RIMS1: variants seen among roughly 807,000 people sequenced by gnomAD.
The protein encoded by RIMS1 is regulating synaptic membrane exocytosis protein 1.
Under a neutral mutation model 214.1 loss-of-function variants are expected in RIMS1, and 83 were observed. The observed-to-expected ratio is 0.39, with a 90% confidence interval of 0.32 to 0.47. The LOEUF (loss-of-function observed/expected upper bound fraction) is 0.47. RIMS1 is among the 20% of genes least tolerant of loss of function. RIMS1 has a pLI of 0.99. For synonymous variants in RIMS1, 793 were observed against 786.8 expected, an observed-to-expected ratio of 1.01 and a Z score of -0.13; for missense variants, 2,050 against 2,161.8, an observed-to-expected ratio of 0.95 and a Z score of 1.03.
intron 29 of RIMS1, among the ~76,000 whole-genome samples, chr6:72,360,567 G>A (rs1054803547): frequency 5.9e-5 from 9 of 151,798 alleles, no homozygotes; most frequent in African/African-American, 1.7e-4. Flanking sequence ...ACCAAAAGTC[G>A]TATCAGTGCT....
chr6:72,254,129 G>C (rs567330750), intron 16 of RIMS1, among the ~76,000 whole-genome samples: 2 of 152,164 alleles, frequency 1.3e-5, no homozygotes, highest in Non-Finnish European at 2.9e-5. Context: ...CTCCCAAAGT[G>C]CTGGGATTAC....
At chr6:72,227,961 A>G (rs1480099919) in intron 6 of RIMS1, among the ~76,000 whole-genome samples, 1 of 151,916 alleles carries the variant, frequency 6.6e-6, no homozygotes, top group East Asian at 1.9e-4. Flanking sequence ...TAAAAGGGAA[A>G]TATTTTTCTT....
At chr6:71,924,519 C>G (rs187996905) in intron 1 of RIMS1, among the ~76,000 whole-genome samples, 2 of 150,946 alleles carry the variant, frequency 1.3e-5, no homozygotes, top group Admixed American at 6.6e-5. Context: ...ATAGACTGGG[C>G]GTGGTGGCTC....
intron 29 of RIMS1, among the ~76,000 whole-genome samples, chr6:72,377,407 TGAAGGTTAGTTCA>T (rs1392566153): frequency 1.3e-5 from 2 of 152,118 alleles, no homozygotes; most frequent in African/African-American, 4.8e-5. Context: ...TCCATGGATC[TGAAGGTTAGTTCA>T]GAAGGGAACA....
intron 2 of RIMS1, among the ~76,000 whole-genome samples, chr6:72,013,886 T>C (rs1450413202): frequency 6.6e-6 from 1 of 152,190 alleles, no homozygotes; most frequent in Non-Finnish European, 1.5e-5. Flanking sequence ...TTGTTCCCCA[T>C]GTATTTTACA....
At chr6:72,023,784 A>C (rs1585104241) in intron 2 of RIMS1, among the ~76,000 whole-genome samples, 1 of 151,990 alleles carries the variant, frequency 6.6e-6, no homozygotes, top group African/African-American at 2.4e-5. Flanking sequence ...ATTTATAGAG[A>C]TATTTACTTC....
At chr6:72,357,151 A>G (rs2097674138) in intron 29 of RIMS1, among the ~76,000 whole-genome samples, 1 of 152,224 alleles carries the variant, frequency 6.6e-6, no homozygotes, top group Admixed American at 6.5e-5. Flanking sequence ...GGGCCAGAGA[A>G]TAAAGATTAT....
chr6:71,996,388 G>A (rs768389284), intron 2 of RIMS1, among the ~76,000 whole-genome samples: 6 of 152,118 alleles, frequency 3.9e-5, no homozygotes, highest in Non-Finnish European at 8.8e-5. Flanking sequence ...CTAAGTGCTT[G>A]TGTTTTATAC....
intron 28 of RIMS1, among the ~76,000 whole-genome samples, chr6:72,314,793 G>A (rs534217426): frequency 6.6e-5 from 10 of 152,020 alleles, no homozygotes; most frequent in Admixed American, 5.9e-4. Flanking sequence ...TTAAACTGTT[G>A]AATTACCAAA....
chr6:71,909,159 T>C (rs563298732), intron 1 of RIMS1, among the ~76,000 whole-genome samples: 1 of 152,078 alleles, frequency 6.6e-6, no homozygotes, highest in South Asian at 2.1e-4. Context: ...CCAGTTAATT[T>C]TCTTTTCTTG....
chr6:72,263,978 AG>A, intron 19 of RIMS1: 1 of 531,358 alleles, frequency 1.9e-6, no homozygotes, highest in Non-Finnish European at 2.4e-6. Context: ...AGATAACAAG[AG>A]TGAGACTCTG....
intron 28 of RIMS1, among the ~76,000 whole-genome samples, chr6:72,319,652 T>A (rs1026025233): frequency 6.6e-6 from 1 of 152,062 alleles, no homozygotes; most frequent in Non-Finnish European, 1.5e-5. Flanking sequence ...TACAACTTCT[T>A]TAGACCTTGA....
intron 1 of RIMS1, among the ~76,000 whole-genome samples, chr6:71,898,374 A>G (rs754123426): frequency 6.6e-6 from 1 of 152,152 alleles, no homozygotes; most frequent in Non-Finnish European, 1.5e-5. Flanking sequence ...CATCTTCTAG[A>G]CTTAAAATCC....
chr6:72,063,007 C>T lies in RIMS1; in HGVS notation c.246-33942C>T, dbSNP rs576362056. On this transcript the variant is annotated intron_variant, in intron 2 of 33. Transcript: ENST00000521978. ...TTCCAAATAGTCACATTCAGAGGTACTTGGGATTAGGACTCTAGGACTCCA... is the reference window on the plus strand; with the variant it reads ...TTCCAAATAGTCACATTCAGAGGTATTTGGGATTAGGACTCTAGGACTCCA... Among the ~76,000 whole-genome samples, 3 of 152,216 alleles carry T rather than the reference C, an allele frequency of 2.0e-5. No individual in the cohort carries two copies. In the South Asian group the frequency reaches 6.2e-4, roughly 32 times the overall value.
At chr6:72,202,281 A>G (rs551848403) in intron 6 of RIMS1, among the ~76,000 whole-genome samples, 1 of 152,286 alleles carries the variant, frequency 6.6e-6, no homozygotes, top group African/African-American at 2.4e-5. Context: ...ATAGTTCTGG[A>G]GGCTGGAAGT....
chr6:72,114,307 C>A (rs9446571), intron 4 of RIMS1, among the ~76,000 whole-genome samples: 1 of 151,774 alleles, frequency 6.6e-6, no homozygotes, highest in African/African-American at 2.4e-5. Context: ...GCACTGGAGT[C>A]GTATTAGTTA....
intron 28 of RIMS1, chr6:72,316,739 T>C (rs2095822002): frequency 3.0e-6 from 2 of 659,994 alleles, no homozygotes; most frequent in Non-Finnish European, 5.8e-6. Context: ...CTGGGGGCCC[T>C]CTGGTTTCAG....
intron 2 of RIMS1, among the ~76,000 whole-genome samples, chr6:72,038,267 C>T (rs990371413): frequency 4.0e-5 from 6 of 150,284 alleles, no homozygotes; most frequent in Admixed American, 2.7e-4. Context: ...ACCACAGTGA[C>T]GTTACAAAGA....
intron 1 of RIMS1, among the ~76,000 whole-genome samples, chr6:71,915,626 C>T (rs1187213778): frequency 1.3e-5 from 2 of 152,124 alleles, no homozygotes; most frequent in African/African-American, 4.8e-5. Context: ...CTCTCTGACT[C>T]AGTTTCCTCT....
Sources: allele counts gnomAD v4.1 joint callset (sites outside exome capture counted in the v4.1 genomes callset), GRCh38; gene constraint gnomAD v4.1.1; transcripts MANE v1.5; gene names NCBI Gene and HGNC (gene_info 2026-07-23, HGNC 2026-07-21).